The following SLC4A8 variants were observed in gnomAD, a reference collection of about 807,000 sequenced individuals.
The protein encoded by SLC4A8 is electroneutral sodium bicarbonate exchanger 1.
In SLC4A8, 40 loss-of-function variants were observed where a neutral mutation model predicts 125.0. The ratio of observed to expected loss-of-function variants is 0.32; its 90% CI spans 0.25 to 0.42. SLC4A8 has a LOEUF of 0.42. Ranked by LOEUF, SLC4A8 falls within the 10% of genes least tolerant of loss-of-function variation. The probability of loss-of-function intolerance (pLI) is 1.00; values close to 1 mark genes in which losing one functional copy is unlikely to be tolerated. For missense variants in SLC4A8, 863 were observed against 1,355.1 expected (o/e 0.64, Z 5.70); for synonymous variants, 456 against 476.0 (o/e 0.96, Z 0.55).
upstream of SLC4A8, chr12:51,420,068 G>C (rs891220160): frequency 6.6e-6 from 1 of 152,194 alleles, no homozygotes; most frequent in Non-Finnish European, 1.5e-5. Context: ...TTTTCAGCTT[G>C]ACAAAGAATC....
chr12:51,429,912 G>A (rs1292399309), intron 1 of SLC4A8, among the ~76,000 whole-genome samples: 2 of 151,678 alleles, frequency 1.3e-5, no homozygotes, highest in East Asian at 1.9e-4. Context: ...TTGGAACTGG[G>A]GACACCTGGT....
At chr12:51,500,134 T>C (rs1319288898) in intron 22 of SLC4A8, among the ~76,000 whole-genome samples, 1 of 152,180 alleles carries the variant, frequency 6.6e-6, no homozygotes, top group Non-Finnish European at 1.5e-5. Flanking sequence ...GTGCTATTTA[T>C]TAAGATGGGG....
At chr12:51,468,772 A>T (rs1467695197) in intron 11 of SLC4A8, among the ~76,000 whole-genome samples, 1 of 152,212 alleles carries the variant, frequency 6.6e-6, no homozygotes, top group Non-Finnish European at 1.5e-5. Context: ...AAAAATATAT[A>T]AAAATAATGA....
chr12:51,434,252 G>A (rs1949329379), intron 1 of SLC4A8, among the ~76,000 whole-genome samples: 1 of 152,020 alleles, frequency 6.6e-6, no homozygotes, highest in South Asian at 2.1e-4. Context: ...ATTTCAGTGT[G>A]TAGCCCTAAA....
intron 24 of SLC4A8, among the ~76,000 whole-genome samples, chr12:51,507,003 T>TTAA (rs1351372419): frequency 6.6e-6 from 1 of 152,106 alleles, no homozygotes; most frequent in African/African-American, 2.4e-5. Context: ...AGTCCTTCGA[T>TTAA]TAATTCCTTG....
rs1220340398 is a variant in SLC4A8 at position 51,513,021 on chromosome 12, C to T, written c.*5583C>T. The stretch of plus-strand genomic sequence containing the variant: ...CAGTTTGAGTGTTGGCAGACCAATG[C>T]CCTGATAAGCTTGTGGTATAGAGGT... On this transcript the variant is annotated 3_prime_UTR_variant, in exon 25 of 25. Transcript: ENST00000453097. 1.4e-4 allele frequency: 22 copies of T among 152,118 alleles called. No homozygotes were observed. Among genetic ancestry groups the T allele is most frequent in the Admixed American group, 1.4e-3 (22 of 15,270 alleles). The allele number at this position is 152,118 out of a possible 1,614,324, so 9.4% of individuals were successfully genotyped here. A position where few individuals can be genotyped will look rare whatever the true frequency, so the allele number is the denominator to read the frequency against.
rs1948371740 is a variant in SLC4A8 at position 51,400,786 on chromosome 12, A to ATATG, written c.-112+9298_-112+9299insTATG. On this transcript the variant is annotated intron_variant, in intron 1 of 24. Transcript: ENST00000358657. The stretch of plus-strand genomic sequence containing the variant: ...TATATATATATATATATACATACAT[A>ATATG]CACACACACACACACATATATAAAC... Among the ~76,000 whole-genome samples, 5 of 10,988 alleles carry ATATG rather than the reference A, an allele frequency of 4.6e-4. 1 individual carries two copies. The highest frequency in any genetic ancestry group is 6.5e-4 in the Non-Finnish European group (4 of 6,108). The allele number at this position is 10,988 out of a possible 152,430, so 7.2% of individuals were successfully genotyped here. A position where few individuals can be genotyped will look rare whatever the true frequency, so the allele number is the denominator to read the frequency against.
At chr12:51,497,240 A>G in intron 22 of SLC4A8, 116 bp downstream of exon 22, 1 of 1,065,230 alleles carries the variant, frequency 9.4e-7, no homozygotes, top group Non-Finnish European at 1.4e-6. Flanking sequence ...GGAGCTGGGA[A>G]GATTACCCCC....
At chr12:51,418,701 T>G (rs1948730899) in intron 1 of SLC4A8, among the ~76,000 whole-genome samples, 1 of 152,244 alleles carries the variant, frequency 6.6e-6, no homozygotes, top group Non-Finnish European at 1.5e-5. Context: ...ATTCGCATTC[T>G]ATCTCTATTC....
In SLC4A8 at chr12:51,471,368, T is replaced by C. The variant is rs1485423725; in HGVS notation, c.1740T>C (p.Thr580=). The change falls in exon 14 of 25, where the codon ACT becomes ACC. Residue 580 remains threonine, a synonymous_variant. Transcript: ENST00000453097. ...TAFLCIVLVA[T]DASSLVCYIT... ...TCCTGTGTATTGTCCTTGTGGCAAC[T>C]GATGCCAGTTCCCTTGTCTGCTACA... 1 of 1,614,178 alleles carries C rather than the reference T, an allele frequency of 6.2e-7. No individual in the cohort carries two copies. Among genetic ancestry groups the C allele is most frequent in the Admixed American group, 1.7e-5 (1 of 60,030 alleles).
chr12:51,467,054 A>G (rs993384020), intron 11 of SLC4A8, among the ~76,000 whole-genome samples: 1 of 152,082 alleles, frequency 6.6e-6, no homozygotes, highest in African/African-American at 2.4e-5. Context: ...GTGACTGGTA[A>G]TGAAGAGGTA....
At chr12:51,447,872 A>G (rs1949829462) in intron 2 of SLC4A8, among the ~76,000 whole-genome samples, 1 of 151,856 alleles carries the variant, frequency 6.6e-6, no homozygotes, top group Admixed American at 6.6e-5. Flanking sequence ...ACCCACCACC[A>G]TGCCCAGCTA....
At chr12:51,397,700 A>G (rs1214896470) in intron 1 of SLC4A8, among the ~76,000 whole-genome samples, 1 of 151,328 alleles carries the variant, frequency 6.6e-6, no homozygotes, top group African/African-American at 2.4e-5. Context: ...ATATGTACAT[A>G]TAAATTTCAT....
chr12:51,421,942 T>A (rs979918291), upstream of SLC4A8: 1 of 152,250 alleles, frequency 6.6e-6, no homozygotes, highest in African/African-American at 2.4e-5. Context: ...ACAGTAGTGA[T>A]TATAACTAGC....
intron 1 of SLC4A8, among the ~76,000 whole-genome samples, chr12:51,397,170 C>T (rs1470517841): frequency 2.0e-5 from 3 of 152,012 alleles, no homozygotes; most frequent in African/African-American, 4.8e-5. Flanking sequence ...CCTCGTGATC[C>T]GCCCACCTCG....
At chr12:51,423,113 A>G (rs1486623220), upstream of SLC4A8, among the ~76,000 whole-genome samples, 1 of 152,138 alleles carries the variant, frequency 6.6e-6, no homozygotes, top group Non-Finnish European at 1.5e-5. Context: ...TGTGCCTGGG[A>G]TTGGTTGAGG....
intron 1 of SLC4A8, among the ~76,000 whole-genome samples, chr12:51,400,724 CTTTATATATATA>C (rs1207660565): frequency 7.3e-5 from 4 of 54,996 alleles, no homozygotes; most frequent in African/African-American, 3.3e-4. Flanking sequence ...GAATGAACTC[CTTTATATATATA>C]TATATATATA....
chr12:51,489,169 G>A (rs1341070331), intron 18 of SLC4A8, among the ~76,000 whole-genome samples: 11 of 152,186 alleles, frequency 7.2e-5, no homozygotes, highest in African/African-American at 2.7e-4. Context: ...TCTTCCTGAG[G>A]TTCAGGTGGG....
intron 11 of SLC4A8, 58 bp from the exon 12 acceptor site, chr12:51,469,556 T>C: frequency 6.7e-7 from 1 of 1,495,706 alleles, no homozygotes; most frequent in Non-Finnish European, 9.2e-7. Context: ...TGTGTGCTGT[T>C]TACATGCTTT....
Sources: allele counts gnomAD v4.1 joint callset (sites outside exome capture counted in the v4.1 genomes callset), GRCh38; gene constraint gnomAD v4.1.1; transcripts MANE v1.5; gene names NCBI Gene and HGNC (gene_info 2026-07-23, HGNC 2026-07-21).